The following NAPA variants were observed in gnomAD, a reference collection of about 807,000 sequenced individuals.
The protein encoded by NAPA is NSF attachment protein alpha.
Under a neutral mutation model 48.0 loss-of-function variants are expected in NAPA, and 18 were observed. That is an observed-to-expected ratio of 0.38 (90% CI 0.26 to 0.56). NAPA has a LOEUF of 0.56. NAPA is among the 20% of genes least tolerant of loss of function. NAPA has a pLI of 0.77. For synonymous variants in NAPA, 152 were observed against 149.9 expected, an observed-to-expected ratio of 1.01 and a Z score of -0.10; for missense variants, 315 against 385.0, an observed-to-expected ratio of 0.82 and a Z score of 1.52.
rs1257745785 is a variant in NAPA, at chr19:47,506,134, A to T, written c.99-2632T>A. Among the ~76,000 whole-genome samples, 1 of 151,354 alleles carries T rather than the reference A, an allele frequency of 6.6e-6. No homozygotes were observed. The highest frequency in any genetic ancestry group is 2.1e-4 in the South Asian group (1 of 4,812). ...TGCCTCAGCCTCCTGAGTAGCTGGG[A>T]TTACAGATGTGTGCCATCACACCCT... On this transcript the variant is annotated intron_variant, in intron 1 of 10. Coordinates refer to ENST00000263354, the MANE Select transcript of NAPA (RefSeq NM_003827.4). The surrounding 1 kb of genome is among the most constrained non-coding windows in gnomAD (Gnocchi z 4.0).
chr19:47,502,397 C>T (rs1317260584), intron 2 of NAPA, among the ~76,000 whole-genome samples: 9 of 151,900 alleles, frequency 5.9e-5, no homozygotes, highest in Non-Finnish European at 1.2e-4. Flanking sequence ...CTTTTTTTCT[C>T]TAGAGGAATT....
chr19:47,489,635 G>A (rs1968183856), intron 10 of NAPA, 76 bp downstream of exon 10: 14 of 1,494,318 alleles, frequency 9.4e-6, no homozygotes, highest in Non-Finnish European at 1.3e-5. Flanking sequence ...GTCATGGAGA[G>A]CGTGTCTGAG....
In NAPA at chr19:47,514,962, C is replaced by T; in HGVS notation, c.-22G>A. The T allele has an allele frequency of 1.2e-6, 2 of 1,611,484 alleles. No individual in the cohort carries two copies. Among genetic ancestry groups the T allele is most frequent in the East Asian group, 4.5e-5 (2 of 44,834 alleles). On this transcript the variant is annotated 5_prime_UTR_variant, in exon 1 of 11. Coordinates refer to ENST00000263354, the MANE Select transcript of NAPA (RefSeq NM_003827.4). The stretch of plus-strand genomic sequence containing the variant: ...CCATGGCGGCCACAAAGGGACTCAG[C>T]AAAGCGCCTGACCCTGACCCTGGGA...
At chr19:47,495,723 C>G (rs1307192230) in intron 3 of NAPA, 127 bp from the exon 4 acceptor site, 11 of 815,726 alleles carry the variant, frequency 1.3e-5, no homozygotes, top group African/African-American at 3.4e-5. Flanking sequence ...TCAGAGCTGC[C>G]AGCGCTGCCA....
At chr19:47,511,623 G>A (rs890657191) in intron 1 of NAPA, among the ~76,000 whole-genome samples, 1 of 152,196 alleles carries the variant, frequency 6.6e-6, no homozygotes, top group Admixed American at 6.5e-5. Context: ...ACAGCAAAGG[G>A]GCTAAGTGAG....
At chr19:47,496,911 G>C (rs1338981322) in intron 3 of NAPA, 1 of 453,610 alleles carries the variant, frequency 2.2e-6, no homozygotes, top group Non-Finnish European at 4.4e-6. Flanking sequence ...GGATCTAAAA[G>C]GGACTGAGAG....
intron 1 of NAPA, among the ~76,000 whole-genome samples, chr19:47,503,754 G>C (rs1968635819): frequency 6.6e-6 from 1 of 152,156 alleles, no homozygotes; most frequent in South Asian, 2.1e-4. Flanking sequence ...GTGGGGCGAA[G>C]AGTTCCTGAC....
chr19:47,485,900 G>A (rs1372819922), downstream of NAPA, among the ~76,000 whole-genome samples: 1 of 152,226 alleles, frequency 6.6e-6, no homozygotes, highest in African/African-American at 2.4e-5. Context: ...TGCCACTTCA[G>A]CAGTGCGTTT....
intron 4 of NAPA, chr19:47,495,291 G>A (rs1209458505): frequency 1.8e-6 from 1 of 551,936 alleles, no homozygotes. Context: ...ACCCTGCCCA[G>A]CTCAATAACC....
chr19:47,513,846 CTTT>C (rs776314156), intron 1 of NAPA, among the ~76,000 whole-genome samples: 18 of 115,850 alleles, frequency 1.6e-4, no homozygotes, highest in African/African-American at 5.6e-4. Flanking sequence ...TTCTTTCTTT[CTTT>C]TTTTTTTTTT....
rs556092157 is a variant in NAPA at position 47,500,483 on chromosome 19, A to G, written c.295+150T>C. On this transcript the variant is annotated intron_variant, in intron 3 of 10. Coordinates refer to ENST00000263354, the MANE Select transcript of NAPA (RefSeq NM_003827.4). Reference sequence around the variant, plus strand: ...AGGAAGAGAGCCAGTTCTAAAGTCAACGCTCACTCTGCCTCAGGCACGCCC... The same window carrying G: ...AGGAAGAGAGCCAGTTCTAAAGTCAGCGCTCACTCTGCCTCAGGCACGCCC... 56 of 565,656 alleles carry G rather than the reference A, an allele frequency of 9.9e-5. No individual in the cohort carries two copies. In the South Asian group the frequency reaches 1.4e-3, roughly 14 times the overall value. The allele number at this position is 565,656 out of a possible 1,614,324, so 35.0% of individuals were successfully genotyped here.
intron 7 of NAPA, chr19:47,492,758 C>CTG: frequency 2.9e-6 from 2 of 693,940 alleles, no homozygotes; most frequent in Non-Finnish European, 5.3e-6. Flanking sequence ...AGAGACGGTG[C>CTG]TGGCACGGCA....
rs1045851264 is a variant in NAPA, at chr19:47,506,618, A to G, written c.99-3116T>C. Among the ~76,000 whole-genome samples the G allele has an allele frequency of 1.6e-4, 25 of 152,374 alleles. 1 individual carries two copies. Among genetic ancestry groups the G allele is most frequent in the Admixed American group, 1.6e-3 (25 of 15,302 alleles). ...CTGAGTGGCCCACAGCGGGCAATCA[A>G]CAATGAGCAGAGTCAGCCCAGCCGG... On this transcript the variant is annotated intron_variant, in intron 1 of 10. Coordinates refer to ENST00000263354, the MANE Select transcript of NAPA (RefSeq NM_003827.4). This position sits in a 1 kb window ranked among gnomAD's most constrained non-coding sequence, Gnocchi z 4.0.
chr19:47,491,767 T>C (rs1568463798), intron 8 of NAPA, among the ~76,000 whole-genome samples: 1 of 152,100 alleles, frequency 6.6e-6, no homozygotes, highest in Non-Finnish European at 1.5e-5. Context: ...ATTCAAAAAG[T>C]GCACCCATGA....
In NAPA at chr19:47,497,892, C is replaced by T. The variant is rs116437971; in HGVS notation, c.296-2296G>A. ...AGTGGGGGACAAGCAGGGGCCAGGTCGCTTCTCTGCCCCAGGTACACACAC... is the reference window on the plus strand; with the variant it reads ...AGTGGGGGACAAGCAGGGGCCAGGTTGCTTCTCTGCCCCAGGTACACACAC... On this transcript the variant is annotated intron_variant, in intron 3 of 10. Coordinates refer to ENST00000263354, the MANE Select transcript of NAPA (RefSeq NM_003827.4). Among the ~76,000 whole-genome samples the T allele has an allele frequency of 8.8e-3, 1,345 of 152,276 alleles. 9 individuals carry two copies. Among genetic ancestry groups the T allele is most frequent in the African/African-American group, 0.03 (1,263 of 41,542 alleles).
intron 4 of NAPA, chr19:47,494,951 T>A (rs1968381874): frequency 6.5e-6 from 1 of 153,074 alleles, no homozygotes; most frequent in Non-Finnish European, 1.5e-5. Context: ...ATGTGACACT[T>A]GCGGGAAGGC....
chr19:47,490,927 A>AGGGGACTT, intron 8 of NAPA, 71 bp from the exon 9 acceptor site: 1 of 1,398,236 alleles, frequency 7.2e-7, no homozygotes, highest in South Asian at 1.2e-5. Context: ...CTAGCAGCTG[A>AGGGGACTT]GGGGACTTGG....
intron 1 of NAPA, chr19:47,505,437 G>A (rs752651690): frequency 1.3e-5 from 2 of 152,234 alleles, no homozygotes; most frequent in Non-Finnish European, 2.9e-5. Flanking sequence ...CGGATTCAGT[G>A]TGTCCAACCT....
downstream of NAPA, among the ~76,000 whole-genome samples, chr19:47,486,342 G>A (rs1394091200): frequency 4.0e-5 from 6 of 151,888 alleles, no homozygotes; most frequent in African/African-American, 1.2e-4. Flanking sequence ...GCGATAGAGC[G>A]AGACTCTGTC....
Sources: gnomAD v4.1 joint callset for allele counts (sites outside exome capture counted in the v4.1 genomes callset) on GRCh38, gnomAD v4.1.1 for gene constraint, Gnocchi (gnomAD v3.1) non-coding constraint, MANE v1.5 for transcripts, NCBI Gene and HGNC (gene_info 2026-07-23, HGNC 2026-07-21) for gene names.